Variants in ZC3H12B observed in about 807,000 individuals in gnomAD.
ZC3H12B encodes probable ribonuclease ZC3H12B.
In ZC3H12B, 7 loss-of-function variants were observed where a neutral mutation model predicts 43.9. That is an observed-to-expected ratio of 0.16 (90% CI 0.09 to 0.30). The LOEUF is 0.30. Ranked by LOEUF, ZC3H12B falls within the 10% of genes least tolerant of loss-of-function variation. The pLI, the probability that ZC3H12B is intolerant of heterozygous loss-of-function variation, is 1.00. For missense variants in ZC3H12B, 475 were observed against 670.2 expected (o/e 0.71, Z 3.22); for synonymous variants, 222 against 241.7 (o/e 0.92, Z 0.76).
At chrX:65,340,033 G>A in the ZC3H12B span, among the ~76,000 whole-genome samples, 44 of 111,664 alleles carry the variant, frequency 3.9e-4, no homozygotes, top group Admixed American at 4.1e-3. Context: ...TGGGCACAGA[G>A]CCCACCAGCA....
the ZC3H12B span, among the ~76,000 whole-genome samples, chrX:65,135,455 C>G: frequency 5.4e-4 from 59 of 108,313 alleles, no homozygotes; most frequent in Admixed American, 3.5e-3. Context: ...ATAAGGTGTT[C>G]TTTTTCTTTG....
the ZC3H12B span, among the ~76,000 whole-genome samples, chrX:65,304,298 T>C: frequency 2.7e-5 from 3 of 111,569 alleles, no homozygotes; most frequent in Non-Finnish European, 5.7e-5. Flanking sequence ...GGTAGAATAA[T>C]TGAGTAACCA....
chrX:65,181,211 T>A, the ZC3H12B span, among the ~76,000 whole-genome samples: 158 of 111,969 alleles, frequency 1.4e-3, 1 homozygote, highest in Non-Finnish European at 2.5e-3. Context: ...TGCAGAAAAC[T>A]GAAACTGGAC....
the ZC3H12B span, among the ~76,000 whole-genome samples, chrX:65,210,786 G>T: frequency 4.3e-5 from 1 of 23,464 alleles, no homozygotes; most frequent in African/African-American, 2.4e-4. Context: ...GGATGAAATT[G>T]GAAACCATCA....
the ZC3H12B span, among the ~76,000 whole-genome samples, chrX:65,211,021 G>A: frequency 1.6e-5 from 1 of 61,548 alleles, no homozygotes; most frequent in Non-Finnish European, 2.7e-5. Context: ...GTATACATAT[G>A]TAACTAACCT....
the ZC3H12B span, among the ~76,000 whole-genome samples, chrX:65,251,451 G>T: frequency 9.0e-6 from 1 of 111,636 alleles, no homozygotes; most frequent in African/African-American, 3.3e-5. Flanking sequence ...GAACTTTATA[G>T]TAGTTTTTTT....
the ZC3H12B span, among the ~76,000 whole-genome samples, chrX:65,129,246 T>TATAC: frequency 2.5e-4 from 26 of 103,683 alleles, no homozygotes; most frequent in African/African-American, 9.9e-4. Context: ...TATATGTATG[T>TATAC]GTGTATATAT....
the ZC3H12B span, among the ~76,000 whole-genome samples, chrX:65,341,565 T>C: frequency 9.0e-6 from 1 of 111,591 alleles, no homozygotes; most frequent in Admixed American, 9.5e-5. Context: ...TAAACATTTT[T>C]AAAGGAAAGA....
chrX:65,057,229 T>C, the ZC3H12B span, among the ~76,000 whole-genome samples: 2 of 112,017 alleles, frequency 1.8e-5, no homozygotes, highest in African/African-American at 6.5e-5. Context: ...TACCGGTTGT[T>C]CCTTTCTATG....
the ZC3H12B span, among the ~76,000 whole-genome samples, chrX:65,312,310 C>A: frequency 1.8e-5 from 2 of 111,245 alleles, no homozygotes; most frequent in Non-Finnish European, 3.8e-5. Flanking sequence ...ACAGACAATA[C>A]CTCTGGGAGA....
the ZC3H12B span, among the ~76,000 whole-genome samples, chrX:65,101,228 T>C: frequency 8.9e-6 from 1 of 112,208 alleles, no homozygotes; most frequent in South Asian, 3.7e-4. Flanking sequence ...CCAGAATCTC[T>C]GGGATACAGC....
At chrX:65,308,610 C>T in the ZC3H12B span, among the ~76,000 whole-genome samples, 1 of 111,524 alleles carries the variant, frequency 9.0e-6, no homozygotes, top group African/African-American at 3.3e-5. Context: ...ATATCCAGGA[C>T]TTGAACTCAG....
chrX:65,372,781 A>G (rs192358767), intron 2 of ZC3H12B, among the ~76,000 whole-genome samples: 8 of 112,681 alleles, frequency 7.1e-5, no homozygotes, highest in African/African-American at 2.6e-4. Context: ...CCTGTATAAA[A>G]TCACACAAGT....
the ZC3H12B span, among the ~76,000 whole-genome samples, chrX:65,100,388 C>A: frequency 9.3e-6 from 1 of 107,153 alleles, no homozygotes; most frequent in Non-Finnish European, 1.9e-5. Context: ...ACAGAAGACA[C>A]CACTAAGATA....
At chrX:65,152,492 G>C in the ZC3H12B span, among the ~76,000 whole-genome samples, 15 of 109,427 alleles carry the variant, frequency 1.4e-4, no homozygotes, top group East Asian at 8.6e-4. Flanking sequence ...TATTCTCTTT[G>C]AAGAGAATAA....
At chrX:65,114,977 C>T in the ZC3H12B span, among the ~76,000 whole-genome samples, 8 of 39,473 alleles carry the variant, frequency 2.0e-4, no homozygotes, top group South Asian at 2.5e-3. Context: ...GTATTTTTTA[C>T]GTTAAAAAGT....
chrX:65,330,478 G>A, the ZC3H12B span, among the ~76,000 whole-genome samples: 1 of 111,248 alleles, frequency 9.0e-6, no homozygotes, highest in Non-Finnish European at 1.9e-5. Flanking sequence ...TCCCTGTCTT[G>A]TGCCAATTTT....
the ZC3H12B span, among the ~76,000 whole-genome samples, chrX:65,217,480 A>G: frequency 8.9e-6 from 1 of 112,134 alleles, no homozygotes; most frequent in East Asian, 2.8e-4. Flanking sequence ...CTAGTGACCA[A>G]TCCTGTAGTT....
At chrX:65,229,851 G>C in the ZC3H12B span, among the ~76,000 whole-genome samples, 1 of 109,689 alleles carries the variant, frequency 9.1e-6, no homozygotes, top group African/African-American at 3.3e-5. Flanking sequence ...TCTCACACCA[G>C]TTAGAATGGC....
Sources: gnomAD v4.1 joint callset for allele counts (sites outside exome capture counted in the v4.1 genomes callset) on GRCh38, gnomAD v4.1.1 for gene constraint, MANE v1.5 for transcripts, NCBI Gene and HGNC (gene_info 2026-07-23, HGNC 2026-07-21) for gene names.